Variants in PCDH15 observed in about 807,000 individuals in gnomAD.
PCDH15 encodes the protein protocadherin-15.
PCDH15 carries 129 observed loss-of-function variants against 178.5 expected under a neutral mutation model. That is an observed-to-expected ratio of 0.72 (90% confidence interval 0.63 to 0.84). PCDH15 has a LOEUF of 0.84. PCDH15 is among the 40% of genes least tolerant of loss of function. The pLI is 0.00. For synonymous variants in PCDH15, 800 were observed against 732.0 expected (o/e 1.09, Z -1.50); for missense variants, 2,230 against 2,099.9 (o/e 1.06, Z -1.21).
At chr10:54,150,451 T>C (rs994105632) in intron 14 of PCDH15, among the ~76,000 whole-genome samples, 7 of 152,006 alleles carry the variant, frequency 4.6e-5, no homozygotes, top group Non-Finnish European at 1.0e-4. Context: ...TTTGAACTAA[T>C]ATTAGTAAAC....
chr10:54,879,182 T>TTG (rs5785100), intron 3 of PCDH15, among the ~76,000 whole-genome samples: 95,603 of 148,922 alleles, frequency 0.64, 30,668 homozygotes, highest in East Asian at 0.74. Context: ...CACGTGCTGT[T>TTG]TGTGTGTGTG....
chr10:55,455,229 T>C (rs1366952705), intron 2 of PCDH15, among the ~76,000 whole-genome samples: 1 of 152,088 alleles, frequency 6.6e-6, no homozygotes. Flanking sequence ...ACCCAGCAAA[T>C]AGACTACACC....
chr10:54,060,481 A>G (rs1312171196), intron 18 of PCDH15, among the ~76,000 whole-genome samples: 1 of 152,210 alleles, frequency 6.6e-6, no homozygotes, highest in African/African-American at 2.4e-5. Flanking sequence ...TAACATAATT[A>G]TAATAAAAAT....
At chr10:53,818,989 G>C (rs1333698193) in intron 33 of PCDH15, among the ~76,000 whole-genome samples, 1 of 151,940 alleles carries the variant, frequency 6.6e-6, no homozygotes, top group Non-Finnish European at 1.5e-5. Flanking sequence ...GTAAAAAAAA[G>C]TAAATACAAT....
intron 18 of PCDH15, among the ~76,000 whole-genome samples, chr10:54,040,126 A>T (rs1210158222): frequency 6.6e-6 from 1 of 152,024 alleles, no homozygotes; most frequent in East Asian, 1.9e-4. Flanking sequence ...AAAAAGTCAT[A>T]ATTAGTTCTT....
intron 2 of PCDH15, among the ~76,000 whole-genome samples, chr10:55,069,155 C>T (rs1308790335): frequency 6.6e-6 from 1 of 151,566 alleles, no homozygotes; most frequent in African/African-American, 2.4e-5. Context: ...ATCCACCCAC[C>T]TTGGCCTCTC....
intron 2 of PCDH15, among the ~76,000 whole-genome samples, chr10:55,340,146 A>G (rs961552783): frequency 6.6e-6 from 1 of 151,214 alleles, no homozygotes; most frequent in African/African-American, 2.4e-5. Flanking sequence ...ACCCATGTAT[A>G]GACACACATA....
intron 2 of PCDH15, among the ~76,000 whole-genome samples, chr10:55,159,369 C>CTATATATA (rs1174815209): frequency 2.9e-4 from 6 of 20,882 alleles, no homozygotes; most frequent in African/African-American, 5.1e-4. Flanking sequence ...ATCTATCTAT[C>CTATATATA]TATATATATA....
chr10:55,116,157 T>C lies in PCDH15; in HGVS notation c.-80+50419A>G, dbSNP rs988455473. The stretch of plus-strand genomic sequence containing the variant: ...ATAGGTAAGTGGAGTAGCTAAAAGA[T>C]TGTTTATGAGCCAATCTTAGAACCA... On this transcript the variant is annotated intron_variant, in intron 2 of 5. Coordinates refer to the PCDH15 transcript ENST00000458638. Among the ~76,000 whole-genome samples the C allele has an allele frequency of 2.5e-4, 38 of 152,254 alleles. 1 individual carries two copies. Among genetic ancestry groups the C allele is most frequent in the African/African-American group, 8.4e-4 (35 of 41,566 alleles).
At chr10:53,874,967 G>A (rs1358700783) in intron 26 of PCDH15, among the ~76,000 whole-genome samples, 1 of 152,026 alleles carries the variant, frequency 6.6e-6, no homozygotes, top group Non-Finnish European at 1.5e-5. Flanking sequence ...CAGCTGACCA[G>A]GGAATTAGTA....
chr10:54,897,130 T>C (rs1954559587), intron 3 of PCDH15, among the ~76,000 whole-genome samples: 1 of 152,212 alleles, frequency 6.6e-6, no homozygotes, highest in African/African-American at 2.4e-5. Flanking sequence ...TGCATGACAG[T>C]TGCCACATAA....
chr10:55,514,987 A>ATAGATAGATT (rs1554879756), intron 2 of PCDH15, among the ~76,000 whole-genome samples: 3 of 120,242 alleles, frequency 2.5e-5, no homozygotes, highest in South Asian at 6.0e-4. Context: ...AGATAGATAG[A>ATAGATAGATT]TTTTTTTTTT....
At chr10:54,032,504 A>G (rs778296633) in intron 18 of PCDH15, among the ~76,000 whole-genome samples, 3 of 151,938 alleles carry the variant, frequency 2.0e-5, no homozygotes, top group African/African-American at 7.2e-5. Flanking sequence ...CCATTTTTCA[A>G]TTACATATCA....
At chr10:55,598,150 G>A (rs1842972691) in intron 2 of PCDH15, among the ~76,000 whole-genome samples, 1 of 152,022 alleles carries the variant, frequency 6.6e-6, no homozygotes, top group African/African-American at 2.4e-5. Flanking sequence ...GCGGCCATAC[G>A]ATTAACCCAA....
chr10:54,340,490 G>C (rs991222277), intron 6 of PCDH15, among the ~76,000 whole-genome samples: 4 of 152,192 alleles, frequency 2.6e-5, no homozygotes, highest in African/African-American at 4.8e-5. Flanking sequence ...GTTAACAGCA[G>C]TGAATCCATA....
At chr10:55,090,926 A>G (rs985454309) in intron 2 of PCDH15, among the ~76,000 whole-genome samples, 1 of 151,716 alleles carries the variant, frequency 6.6e-6, no homozygotes, top group African/African-American at 2.4e-5. Flanking sequence ...TTTTTGGACT[A>G]AAGTACTTCT....
intron 1 of PCDH15, among the ~76,000 whole-genome samples, chr10:55,252,840 C>T (rs978357368): frequency 6.6e-6 from 1 of 151,990 alleles, no homozygotes; most frequent in African/African-American, 2.4e-5. Flanking sequence ...AAGACGATTA[C>T]AATTTAGTCA....
chr10:53,867,879 T>C (rs528522738), intron 26 of PCDH15, among the ~76,000 whole-genome samples: 17 of 152,162 alleles, frequency 1.1e-4, no homozygotes, highest in Non-Finnish European at 2.5e-4. Flanking sequence ...ACTTCCTTTT[T>C]AATCATCCTG....
chr10:54,623,862 C>T (rs112308473), intron 2 of PCDH15, among the ~76,000 whole-genome samples: 2,843 of 152,082 alleles, frequency 0.019, 84 homozygotes, highest in African/African-American at 0.062. Flanking sequence ...ATTAGCTACT[C>T]GCTTTGATCT....
Sources: allele counts gnomAD v4.1 joint callset (sites outside exome capture counted in the v4.1 genomes callset), GRCh38; gene constraint gnomAD v4.1.1; transcripts MANE v1.5; gene names NCBI Gene and HGNC (gene_info 2026-07-23, HGNC 2026-07-21).